BLTP1: variants seen among roughly 807,000 people sequenced by gnomAD.
BLTP1 encodes bridge-like lipid transfer protein family member 1.
the BLTP1 span, chr4:122,244,688 C>T: frequency 1.1e-6 from 1 of 936,266 alleles, no homozygotes; most frequent in East Asian, 1.2e-4. Context: ...TGCAAAAGCA[C>T]ATAATTTTCT....
At chr4:122,221,699 CTA>C in the BLTP1 span, 1 of 651,010 alleles carries the variant, frequency 1.5e-6, no homozygotes, top group Non-Finnish European at 1.9e-6. Flanking sequence ...CTTGTCCTCT[CTA>C]TAATTAGCAG....
the BLTP1 span, chr4:122,276,518 G>C: frequency 1.0e-6 from 1 of 984,100 alleles, no homozygotes; most frequent in Non-Finnish European, 1.2e-6. Context: ...TATGTGTTTA[G>C]TTTCATTCAA....
At chr4:122,175,760 C>A in the BLTP1 span, 2 of 810,208 alleles carry the variant, frequency 2.5e-6, no homozygotes, top group Non-Finnish European at 2.1e-6. Flanking sequence ...TTTCCTTGTT[C>A]ATTATCAATT....
At chr4:122,307,359 T>TGGATTTC in the BLTP1 span, 2 of 562,052 alleles carry the variant, frequency 3.6e-6, no homozygotes, top group Non-Finnish European at 2.3e-6. Context: ...TTTGGGATTT[T>TGGATTTC]GGATTTCGGA....
At chr4:122,271,749 A>G in the BLTP1 span, 1 of 1,457,878 alleles carries the variant, frequency 6.9e-7, no homozygotes, top group Admixed American at 2.3e-5. Flanking sequence ...TATGTTTTAA[A>G]AATTTCCATT....
the BLTP1 span, among the ~76,000 whole-genome samples, chr4:122,173,846 T>G: frequency 6.6e-6 from 1 of 152,172 alleles, no homozygotes. Flanking sequence ...AACTTGGATA[T>G]GTATTAAATG....
At chr4:122,288,634 A>G in the BLTP1 span, 326 of 223,826 alleles carry the variant, frequency 1.5e-3, 6 homozygotes, top group East Asian at 0.042. Flanking sequence ...CCTGGGTGAC[A>G]GAGCAAGACT....
chr4:122,352,783 T>G, the BLTP1 span: 1 of 1,227,808 alleles, frequency 8.1e-7, no homozygotes. Flanking sequence ...TAACAGGCAC[T>G]GGACACTGTT....
the BLTP1 span, chr4:122,189,176 G>A: frequency 1.3e-5 from 10 of 784,810 alleles, no homozygotes; most frequent in Admixed American, 3.8e-4. Context: ...TTTCACTTAA[G>A]TGTGGAGATT....
chr4:122,201,831 C>T, the BLTP1 span: 444 of 971,326 alleles, frequency 4.6e-4, 2 homozygotes, highest in African/African-American at 5.6e-3. Flanking sequence ...TTTATCCATC[C>T]ATCCATCCAT....
chr4:122,318,551 CTG>C, the BLTP1 span, among the ~76,000 whole-genome samples: 12 of 152,148 alleles, frequency 7.9e-5, no homozygotes, highest in Admixed American at 5.2e-4. Context: ...CCCTTAGACA[CTG>C]TGTTTTGTCT....
the BLTP1 span, among the ~76,000 whole-genome samples, chr4:122,171,632 G>A: frequency 7.7e-6 from 1 of 129,670 alleles, no homozygotes; most frequent in Non-Finnish European, 1.6e-5. Context: ...ATTTATATGG[G>A]TTACACAGGT....
At chr4:122,221,976 A>C in the BLTP1 span, 1 of 769,554 alleles carries the variant, frequency 1.3e-6, no homozygotes, top group Non-Finnish European at 1.4e-6. Flanking sequence ...ATTAATTCTT[A>C]TTATAGAGGT....
At chr4:122,153,997 T>C in the BLTP1 span, 1 of 984,968 alleles carries the variant, frequency 1.0e-6, no homozygotes, top group Non-Finnish European at 1.2e-6. Flanking sequence ...ATACCTTGTA[T>C]AATTAGTTAA....
chr4:122,215,086 C>T, the BLTP1 span, among the ~76,000 whole-genome samples: 476 of 152,214 alleles, frequency 3.1e-3, 3 homozygotes, highest in African/African-American at 0.011. Flanking sequence ...TGTATTAACT[C>T]ATGAAAGAAT....
At chr4:122,306,850 TA>T in the BLTP1 span, 1 of 215,430 alleles carries the variant, frequency 4.6e-6, no homozygotes, top group Non-Finnish European at 7.9e-6. Flanking sequence ...AGAAGCCATT[TA>T]AGATCTTCAT....
chr4:122,288,498 T>G, the BLTP1 span, among the ~76,000 whole-genome samples: 2 of 151,926 alleles, frequency 1.3e-5, no homozygotes, highest in African/African-American at 4.8e-5. Context: ...CTGGCCAACA[T>G]GGTGAAACCC....
the BLTP1 span, among the ~76,000 whole-genome samples, chr4:122,334,931 G>A: frequency 6.6e-6 from 1 of 151,998 alleles, no homozygotes; most frequent in African/African-American, 2.4e-5. Flanking sequence ...ACATTACCCA[G>A]AATTTAGTGG....
the BLTP1 span, among the ~76,000 whole-genome samples, chr4:122,295,929 A>C: frequency 6.6e-6 from 1 of 152,210 alleles, no homozygotes; most frequent in Non-Finnish European, 1.5e-5. Context: ...TTGAAGATAC[A>C]TACCTCAAAA....
Sources: allele counts gnomAD v4.1 joint callset (sites outside exome capture counted in the v4.1 genomes callset), GRCh38; gene constraint gnomAD v4.1.1; transcripts MANE v1.5; gene names NCBI Gene and HGNC (gene_info 2026-07-23, HGNC 2026-07-21).